Variants in GRIK1 observed in about 807,000 individuals in gnomAD.
GRIK1 encodes the protein glutamate receptor ionotropic, kainate 1.
In GRIK1, 69 loss-of-function variants were observed where a neutral mutation model predicts 105.7. That is an observed-to-expected ratio of 0.65 (90% CI 0.54 to 0.80). The LOEUF is 0.80. Ranked by LOEUF, GRIK1 falls within the 30% of genes least tolerant of loss-of-function variation. GRIK1 has a pLI of 0.00. For synonymous variants in GRIK1, 438 were observed against 431.3 expected, an observed-to-expected ratio of 1.02 and a Z score of -0.19; for missense variants, 1,109 against 1,167.3, an observed-to-expected ratio of 0.95 and a Z score of 0.73.
At chr21:29,799,890 C>T (rs982112105) in intron 1 of GRIK1, among the ~76,000 whole-genome samples, 1 of 152,266 alleles carries the variant, frequency 6.6e-6, no homozygotes, top group South Asian at 2.1e-4. Flanking sequence ...TATGGTATTA[C>T]TAAAGAGGTC....
At chr21:29,915,300 C>A (rs901457930) in intron 1 of GRIK1, among the ~76,000 whole-genome samples, 1 of 152,004 alleles carries the variant, frequency 6.6e-6, no homozygotes, top group Admixed American at 6.6e-5. Flanking sequence ...CTTGATCTGG[C>A]ATATCCAACC....
In GRIK1 at chr21:29,800,001, ACTT is replaced by A. The variant is rs569399818; in HGVS notation, c.119-105941_119-105939del. Among the ~76,000 whole-genome samples, 51 of 152,356 alleles carry A rather than the reference ACTT, an allele frequency of 3.3e-4. 1 individual carries two copies. In the East Asian group the frequency reaches 9.4e-3, roughly 28 times the overall value. On this transcript the variant is annotated intron_variant, in intron 1 of 17. Transcript: ENST00000327783. Reference sequence around the variant, plus strand: ...ATTTAATCATAAGAGGCTTCTCCGAACTTCTTCTGCAAATGAGATTGTTGTACT... The same window carrying A: ...ATTTAATCATAAGAGGCTTCTCCGAACTTCTGCAAATGAGATTGTTGTACT...
chr21:29,746,582 A>G (rs993629698), intron 1 of GRIK1, among the ~76,000 whole-genome samples: 2 of 152,240 alleles, frequency 1.3e-5, no homozygotes, highest in East Asian at 1.9e-4. Context: ...AAAATCATAA[A>G]TGTTCACTCA....
intron 14 of GRIK1, among the ~76,000 whole-genome samples, chr21:29,566,457 C>T (rs1158479465): frequency 6.6e-6 from 1 of 152,138 alleles, no homozygotes; most frequent in East Asian, 1.9e-4. Flanking sequence ...GATTATGTGG[C>T]TATCCTCATG....
chr21:29,542,738 T>C (rs950772291), intron 16 of GRIK1, among the ~76,000 whole-genome samples: 1 of 152,244 alleles, frequency 6.6e-6, no homozygotes, highest in Non-Finnish European at 1.5e-5. Flanking sequence ...CTGCTTTGGA[T>C]GCTTATACCC....
chr21:29,588,195 C>G (rs1462501044), intron 11 of GRIK1, among the ~76,000 whole-genome samples: 2 of 151,630 alleles, frequency 1.3e-5, no homozygotes, highest in Admixed American at 6.6e-5. Context: ...AGGATGGTCT[C>G]GATCTCCTGA....
intron 12 of GRIK1, among the ~76,000 whole-genome samples, chr21:29,584,023 C>T (rs1033459561): frequency 1.3e-5 from 2 of 152,150 alleles, no homozygotes; most frequent in African/African-American, 4.8e-5. Flanking sequence ...ATGCTTAAAA[C>T]CTGTGACAAA....
intron 1 of GRIK1, among the ~76,000 whole-genome samples, chr21:29,832,168 G>A (rs1323155672): frequency 2.0e-5 from 3 of 152,170 alleles, no homozygotes; most frequent in Non-Finnish European, 2.9e-5. Flanking sequence ...GGCTTTCATG[G>A]CCTTGGGCAT....
At chr21:29,682,668 C>A (rs1316797447) in intron 3 of GRIK1, among the ~76,000 whole-genome samples, 1 of 152,176 alleles carries the variant, frequency 6.6e-6, no homozygotes, top group Non-Finnish European at 1.5e-5. Context: ...AGACCTCAAA[C>A]TACAAAAATT....
At chr21:29,837,832 T>C (rs1045972382) in intron 1 of GRIK1, among the ~76,000 whole-genome samples, 10 of 152,196 alleles carry the variant, frequency 6.6e-5, no homozygotes, top group South Asian at 2.1e-4. Context: ...AATAGTCTTA[T>C]ACAGTGTGGC....
At chr21:29,898,072 A>C (rs1351757794) in intron 1 of GRIK1, among the ~76,000 whole-genome samples, 1 of 152,210 alleles carries the variant, frequency 6.6e-6, no homozygotes, top group Non-Finnish European at 1.5e-5. Context: ...ACTGAGTCTT[A>C]ATTCTACCAC....
At chr21:29,765,780 G>T (rs2145713584) in intron 1 of GRIK1, among the ~76,000 whole-genome samples, 1 of 152,210 alleles carries the variant, frequency 6.6e-6, no homozygotes, top group Middle Eastern at 3.4e-3. Context: ...AGAGCCAGGA[G>T]CAATGCTTCT....
At chr21:29,821,057 TAA>T (rs11369503) in intron 1 of GRIK1, among the ~76,000 whole-genome samples, 2 of 141,516 alleles carry the variant, frequency 1.4e-5, no homozygotes, top group Non-Finnish European at 1.5e-5. Context: ...CAACACACAG[TAA>T]AAAAAAAAAA....
In GRIK1 at chr21:29,537,132, A is replaced by G. The variant is rs1601053270; in HGVS notation, c.*98T>C. The G allele has an allele frequency of 1.8e-5, 13 of 716,432 alleles. No homozygotes were observed. The East Asian group carries it at 3.7e-4, about 21-fold the overall frequency. The allele number at this position is 716,432 out of a possible 1,614,324, so 44.4% of individuals were successfully genotyped here. On this transcript the variant is annotated 3_prime_UTR_variant, in exon 18 of 18. Coordinates refer to ENST00000327783, the MANE Select transcript of GRIK1 (RefSeq NM_001330994.2). ...TGTATTCATAATCAGAGTTATGGATATAGATATATGGAAACACATCACACA... is the reference window on the plus strand; with the variant it reads ...TGTATTCATAATCAGAGTTATGGATGTAGATATATGGAAACACATCACACA...
At chr21:29,895,085 G>A (rs1162801499) in intron 1 of GRIK1, among the ~76,000 whole-genome samples, 1 of 152,178 alleles carries the variant, frequency 6.6e-6, no homozygotes, top group African/African-American at 2.4e-5. Flanking sequence ...GCTCAGAAAA[G>A]GGATGGGTTC....
At chr21:29,579,361 T>TAGA (rs1354102126) in intron 13 of GRIK1, among the ~76,000 whole-genome samples, 1 of 152,180 alleles carries the variant, frequency 6.6e-6, no homozygotes, top group Non-Finnish European at 1.5e-5. Flanking sequence ...TTTAGTACTC[T>TAGA]AGAGGATGAA....
rs543652606 is a variant in GRIK1 at position 29,624,045 on chromosome 21, A to G, written c.1098+18781T>C. 2.0e-4 allele frequency among the ~76,000 whole-genome samples: 30 copies of G among 152,352 alleles called. No individual in the cohort carries two copies. In the South Asian group the frequency reaches 6.0e-3, roughly 30 times the overall value. The stretch of plus-strand genomic sequence containing the variant: ...GTAATGAAAAGAAAATGTGTAATGC[A>G]TTGAACAGAGCAAACTTAGTAGAGG... On this transcript the variant is annotated intron_variant, in intron 7 of 17. Coordinates refer to ENST00000327783, the MANE Select transcript of GRIK1 (RefSeq NM_001330994.2).
chr21:29,659,829 G>A (rs760954467), intron 4 of GRIK1, among the ~76,000 whole-genome samples: 26 of 152,114 alleles, frequency 1.7e-4, no homozygotes, highest in Non-Finnish European at 3.7e-4. Context: ...GGCAGTGGTG[G>A]TGCGTGCCTG....
At chr21:29,827,975 ATC>A (rs71335097) in intron 1 of GRIK1, among the ~76,000 whole-genome samples, 2,986 of 112,904 alleles carry the variant, frequency 0.026, 50 homozygotes, top group Non-Finnish European at 0.037. Flanking sequence ...TATAGTTAGG[ATC>A]TCTCTCTCTC....
Sources: allele counts gnomAD v4.1 joint callset (sites outside exome capture counted in the v4.1 genomes callset), GRCh38; gene constraint gnomAD v4.1.1; transcripts MANE v1.5; gene names NCBI Gene and HGNC (gene_info 2026-07-23, HGNC 2026-07-21).